Variants in UXS1 observed in about 807,000 individuals in gnomAD.
UXS1 encodes UDP-glucuronate decarboxylase 1.
Under a neutral mutation model 62.6 loss-of-function variants are expected in UXS1, and 33 were observed. The observed-to-expected ratio is 0.53, with a 90% confidence interval of 0.40 to 0.70. The LOEUF is 0.70. Among genes scored for constraint, UXS1 ranks in the 30% least tolerant of loss-of-function variants. The probability of loss-of-function intolerance (pLI) is 0.00; values close to 1 mark genes in which losing one functional copy is unlikely to be tolerated. For missense variants in UXS1, 434 were observed against 556.3 expected, an observed-to-expected ratio of 0.78 and a Z score of 2.21; for synonymous variants, 213 against 206.8, an observed-to-expected ratio of 1.03 and a Z score of -0.26.
intron 7 of UXS1, among the ~76,000 whole-genome samples, chr2:106,127,027 A>G (rs1394647109): frequency 4.6e-5 from 7 of 152,178 alleles, no homozygotes; most frequent in Admixed American, 4.6e-4. Flanking sequence ...TTTTTCATGG[A>G]GCATATTTCC....
chr2:106,122,936 G>A (rs374696035), intron 9 of UXS1, 34 bp downstream of exon 9: 26 of 1,610,228 alleles, frequency 1.6e-5, no homozygotes, highest in African/African-American at 1.6e-4. Context: ...TGCTCAGCAC[G>A]CCTAAACCGC....
intron 6 of UXS1, among the ~76,000 whole-genome samples, chr2:106,130,160 G>A (rs1315123218): frequency 6.6e-6 from 1 of 151,372 alleles, no homozygotes; most frequent in Non-Finnish European, 1.5e-5. Context: ...AGGCAAATAT[G>A]ACTTAAACCA....
At position 106,184,740 on chromosome 2, in the gene UXS1, T is replaced by C. The variant is rs141498994; in HGVS notation, c.94+9408A>G. On this transcript the variant is annotated intron_variant, in intron 1 of 14. Transcript: ENST00000283148. ...CTCTTAATGCCATCACTTCAAGGAT[T>C]AGGTTCCAACATGTGAATTCCAGGG... 5.3e-5 allele frequency among the ~76,000 whole-genome samples: 8 copies of C among 152,266 alleles called. No homozygotes were observed. In the East Asian group the frequency reaches 1.4e-3, roughly 26 times the overall value.
chr2:106,130,356 C>G (rs1411545353), intron 6 of UXS1, among the ~76,000 whole-genome samples: 1 of 152,142 alleles, frequency 6.6e-6, no homozygotes, highest in Non-Finnish European at 1.5e-5. Flanking sequence ...ACGTCACTAC[C>G]CACAGCGTTC....
intron 1 of UXS1, among the ~76,000 whole-genome samples, chr2:106,187,120 G>C (rs770288074): frequency 2.0e-5 from 3 of 152,126 alleles, no homozygotes; most frequent in Non-Finnish European, 4.4e-5. Flanking sequence ...GGCATCTGGT[G>C]AATCTGGGCA....
intron 6 of UXS1, among the ~76,000 whole-genome samples, chr2:106,143,964 AT>A (rs1681356623): frequency 6.6e-6 from 1 of 152,208 alleles, no homozygotes; most frequent in Admixed American, 6.5e-5. Flanking sequence ...GCACACCCAG[AT>A]AATCCAGGAT....
chr2:106,152,799 G>A (rs553642433), intron 5 of UXS1, among the ~76,000 whole-genome samples: 3 of 152,184 alleles, frequency 2.0e-5, no homozygotes, highest in Admixed American at 2.0e-4. Flanking sequence ...AGGGAAGGCT[G>A]AGAATAATAG....
intron 1 of UXS1, among the ~76,000 whole-genome samples, chr2:106,186,175 G>C (rs1317797323): frequency 6.6e-6 from 1 of 152,152 alleles, no homozygotes; most frequent in Non-Finnish European, 1.5e-5. Flanking sequence ...GCACTGGCTG[G>C]AGAACAAGAT....
intron 14 of UXS1, 98 bp downstream of exon 14, chr2:106,096,620 T>C: frequency 7.8e-6 from 9 of 1,155,988 alleles, no homozygotes; most frequent in Non-Finnish European, 1.1e-5. Flanking sequence ...ACCTTGCTCC[T>C]CCGGGGGCTG....
chr2:106,115,781 C>G (rs1368540302), intron 9 of UXS1, among the ~76,000 whole-genome samples: 1 of 152,204 alleles, frequency 6.6e-6, no homozygotes, highest in Non-Finnish European at 1.5e-5. Context: ...AACACTGAAA[C>G]TATTTTGAAA....
At chr2:106,143,423 AAAAAAAAAAAAAAAAG>A (rs987328378) in intron 6 of UXS1, among the ~76,000 whole-genome samples, 2 of 147,610 alleles carry the variant, frequency 1.4e-5, no homozygotes, top group African/African-American at 5.0e-5. Context: ...AAAAAAAAAA[AAAAAAAAAAAAAAAAG>A]GTATAATTTG....
chr2:106,162,961 A>C (rs1682992250), intron 4 of UXS1, among the ~76,000 whole-genome samples: 1 of 152,238 alleles, frequency 6.6e-6, no homozygotes, highest in Admixed American at 6.5e-5. Flanking sequence ...AGGGGAAAAA[A>C]TCACATCAAC....
At chr2:106,119,618 T>C (rs1458488337) in intron 9 of UXS1, among the ~76,000 whole-genome samples, 1 of 152,192 alleles carries the variant, frequency 6.6e-6, no homozygotes, top group African/African-American at 2.4e-5. Context: ...CACAACATCC[T>C]GCAGGCCGCT....
chr2:106,099,377 C>T (rs1208657781), intron 12 of UXS1, among the ~76,000 whole-genome samples: 1 of 152,166 alleles, frequency 6.6e-6, no homozygotes, highest in African/African-American at 2.4e-5. Flanking sequence ...TCTTACTCTG[C>T]CACCACTGCC....
chr2:106,184,919 A>G (rs1211133801), intron 1 of UXS1, among the ~76,000 whole-genome samples: 1 of 152,224 alleles, frequency 6.6e-6, no homozygotes, highest in Non-Finnish European at 1.5e-5. Flanking sequence ...GGCCAACCCC[A>G]AAATGCAAAA....
intron 7 of UXS1, among the ~76,000 whole-genome samples, chr2:106,127,673 A>G (rs571999885): frequency 1.3e-3 from 192 of 152,316 alleles, no homozygotes; most frequent in African/African-American, 4.4e-3. Flanking sequence ...AAAGCCAGGC[A>G]AAGTTCATGG....
intron 1 of UXS1, among the ~76,000 whole-genome samples, chr2:106,187,124 C>G (rs1684610584): frequency 6.6e-6 from 1 of 152,072 alleles, no homozygotes; most frequent in Non-Finnish European, 1.5e-5. Flanking sequence ...TCTGGTGAAT[C>G]TGGGCAGAGA....
At chr2:106,114,147 G>A (rs571451021) in intron 9 of UXS1, among the ~76,000 whole-genome samples, 20 of 152,294 alleles carry the variant, frequency 1.3e-4, no homozygotes, top group Admixed American at 9.8e-4. Context: ...GCCCACAGCA[G>A]GCTTGTCAAT....
At chr2:106,148,860 C>A (rs1414419233) in intron 5 of UXS1, among the ~76,000 whole-genome samples, 1 of 152,100 alleles carries the variant, frequency 6.6e-6, no homozygotes, top group Non-Finnish European at 1.5e-5. Context: ...AGAAGTAAGA[C>A]CTCTTACACT....
Sources: gnomAD v4.1 joint callset for allele counts (sites outside exome capture counted in the v4.1 genomes callset) on GRCh38, gnomAD v4.1.1 for gene constraint, MANE v1.5 for transcripts, NCBI Gene and HGNC (gene_info 2026-07-23, HGNC 2026-07-21) for gene names.